The following OSBPL6 variants were observed in gnomAD, a reference collection of about 807,000 sequenced individuals.
OSBPL6 encodes oxysterol binding protein like 6, also known as oxysterol-binding protein-related protein 6.
In OSBPL6, 49 loss-of-function variants were observed where a neutral mutation model predicts 125.8. The observed-to-expected ratio is 0.39, with a 90% CI of 0.31 to 0.49. The LOEUF (loss-of-function observed/expected upper bound fraction) is 0.49. Among genes scored for constraint, OSBPL6 ranks in the 20% least tolerant of loss-of-function variants. The pLI is 0.88. For synonymous variants in OSBPL6, 394 were observed against 391.8 expected (o/e 1.01, Z -0.07); for missense variants, 986 against 1,135.4 (o/e 0.87, Z 1.89).
chr2:178,290,297 G>C (rs1685122591), intron 2 of OSBPL6, among the ~76,000 whole-genome samples: 1 of 152,054 alleles, frequency 6.6e-6, no homozygotes, highest in Non-Finnish European at 1.5e-5. Flanking sequence ...CAGAGTTGGT[G>C]CTATAGTTTC....
At chr2:178,205,968 A>T (rs932814797) in intron 1 of OSBPL6, among the ~76,000 whole-genome samples, 5 of 152,182 alleles carry the variant, frequency 3.3e-5, no homozygotes, top group Non-Finnish European at 7.4e-5. Context: ...TTTGAAAATG[A>T]TATTTCAAAC....
intron 1 of OSBPL6, among the ~76,000 whole-genome samples, chr2:178,282,581 C>T (rs1274535914): frequency 6.6e-6 from 1 of 152,156 alleles, no homozygotes; most frequent in African/African-American, 2.4e-5. Context: ...TCAGTGTCTT[C>T]TCTGTTTCCA....
chr2:178,210,821 A>ACAC (rs1553519671), intron 1 of OSBPL6, among the ~76,000 whole-genome samples: 1 of 122,834 alleles, frequency 8.1e-6, no homozygotes, highest in African/African-American at 3.6e-5. Context: ...TCAAAAAAAA[A>ACAC]AAACACACAC....
chr2:178,312,316 C>A (rs1387906156), intron 3 of OSBPL6, among the ~76,000 whole-genome samples: 1 of 151,192 alleles, frequency 6.6e-6, no homozygotes, highest in Non-Finnish European at 1.5e-5. Flanking sequence ...TGCACCACCA[C>A]GCCTGGCTAA....
intron 12 of OSBPL6, among the ~76,000 whole-genome samples, chr2:178,358,562 T>C (rs1031514585): frequency 1.3e-5 from 2 of 152,144 alleles, no homozygotes; most frequent in African/African-American, 4.8e-5. Context: ...AAGAATGAAA[T>C]TGGACCCTTA....
chr2:178,389,428 C>T (rs1695220122), intron 21 of OSBPL6, among the ~76,000 whole-genome samples: 1 of 152,210 alleles, frequency 6.6e-6, no homozygotes, highest in African/African-American at 2.4e-5. Flanking sequence ...CAGTTGTTCA[C>T]TAAGTAAAAT....
rs538180819 is a variant in OSBPL6, at chr2:178,383,109, T to C, written c.1707T>C (p.Ile569=). The C allele has an allele frequency of 6.2e-7, 1 of 1,614,182 alleles. No homozygotes were observed. The highest frequency in any genetic ancestry group is 2.2e-5 in the East Asian group (1 of 44,878). Residue 569 remains isoleucine, a synonymous_variant, in exon 17 of 25, where the codon ATT becomes ATC. Transcript: ENST00000190611. ...CTCCTTGTCCTGACACCAGTAACAT[T>C]AACCTGTGGAATATCTTGAGGAACA... ...LPAPCPDTSN[I]NLWNILRNNI...
At chr2:178,324,479 G>C (rs1208650127) in intron 4 of OSBPL6, among the ~76,000 whole-genome samples, 1 of 152,176 alleles carries the variant, frequency 6.6e-6, no homozygotes, top group Non-Finnish European at 1.5e-5. Flanking sequence ...GGGATTTGTA[G>C]GGTTACATTC....
chr2:178,240,079 A>G (rs757050620), intron 1 of OSBPL6, among the ~76,000 whole-genome samples: 1 of 152,146 alleles, frequency 6.6e-6, no homozygotes, highest in Non-Finnish European at 1.5e-5. Flanking sequence ...TATTGCCTAT[A>G]CTTTTGAAGT....
intron 3 of OSBPL6, among the ~76,000 whole-genome samples, chr2:178,318,874 T>A (rs1361271617): frequency 6.6e-6 from 1 of 152,200 alleles, no homozygotes; most frequent in Non-Finnish European, 1.5e-5. Flanking sequence ...TCCTAGATAT[T>A]TATTCCTGTA....
At chr2:178,303,986 C>T (rs1686524780) in intron 2 of OSBPL6, among the ~76,000 whole-genome samples, 1 of 152,144 alleles carries the variant, frequency 6.6e-6, no homozygotes, top group Admixed American at 6.6e-5. Flanking sequence ...ATCAAAATGC[C>T]AATGTCTTAG....
chr2:178,315,390 G>T lies in OSBPL6; in HGVS notation c.103-8787G>T, dbSNP rs577521606. Among the ~76,000 whole-genome samples the T allele has an allele frequency of 3.9e-5, 6 of 152,326 alleles. No homozygotes were observed. In the South Asian group the frequency reaches 1.2e-3, roughly 32 times the overall value. On this transcript the variant is annotated intron_variant, in intron 3 of 24. Coordinates refer to ENST00000190611, the MANE Select transcript of OSBPL6 (RefSeq NM_032523.4). ...TTTTCCTAAAGGTCATATTTTATGA[G>T]TTTGTGTGTGTGTAGCTTTAAGACA...
At chr2:178,281,354 T>G (rs1310959694) in intron 1 of OSBPL6, among the ~76,000 whole-genome samples, 1 of 152,166 alleles carries the variant, frequency 6.6e-6, no homozygotes, top group Non-Finnish European at 1.5e-5. Context: ...CTTGCCTATG[T>G]CCTGAATGGT....
At chr2:178,237,761 A>C (rs2091118408) in intron 1 of OSBPL6, among the ~76,000 whole-genome samples, 1 of 152,194 alleles carries the variant, frequency 6.6e-6, no homozygotes. Context: ...GTCTCCAGAC[A>C]TTGCCAAATG....
At chr2:178,332,301 A>T (rs1024764636) in intron 6 of OSBPL6, among the ~76,000 whole-genome samples, 2 of 152,242 alleles carry the variant, frequency 1.3e-5, no homozygotes, top group African/African-American at 4.8e-5. Flanking sequence ...GTTATACGTC[A>T]AAGATTGACC....
At chr2:178,275,122 G>A (rs2092444511) in intron 1 of OSBPL6, among the ~76,000 whole-genome samples, 1 of 152,120 alleles carries the variant, frequency 6.6e-6, no homozygotes, top group Admixed American at 6.6e-5. Context: ...GAAATGAAAT[G>A]GTAATGGAAA....
rs561536057 is a variant in OSBPL6, at chr2:178,374,370, A to G, written c.1533+343A>G. Among the ~76,000 whole-genome samples, 6 of 152,336 alleles carry G rather than the reference A, an allele frequency of 3.9e-5. No homozygotes were observed. The South Asian group carries it at 8.3e-4, about 21-fold the overall frequency. ...AGACTAGCTAATAAATATAGAAAGA[A>G]TGAGAGAATTAGGAAAGCACCGTTC... On this transcript the variant is annotated intron_variant, in intron 15 of 24. Coordinates refer to ENST00000190611, the MANE Select transcript of OSBPL6 (RefSeq NM_032523.4).
rs373807425 is a variant in OSBPL6 at position 178,402,397 on chromosome 2, G to A, written c.*6838G>A. ...CACCTTCCATTCTCTCTTAGGCTTT[G>A]TCTATGTCTCTAAGGGGAGTTTTTC... On this transcript the variant is annotated 3_prime_UTR_variant, in exon 25 of 25. Coordinates refer to ENST00000190611, the MANE Select transcript of OSBPL6 (RefSeq NM_032523.4). 1 of 152,296 alleles carries A rather than the reference G, an allele frequency of 6.6e-6. No homozygotes were observed. The highest frequency in any genetic ancestry group is 1.9e-4 in the East Asian group (1 of 5,170). The allele number at this position is 152,296 out of a possible 1,614,324, so 9.4% of individuals were successfully genotyped here. A position where few individuals can be genotyped will look rare whatever the true frequency, so the allele number is the denominator to read the frequency against.
chr2:178,344,241 T>C, intron 11 of OSBPL6: 3 of 1,501,006 alleles, frequency 2.0e-6, no homozygotes, highest in South Asian at 1.1e-5. Flanking sequence ...CATCCTTTCC[T>C]CCCCCGTCCT....
Sources: gnomAD v4.1 joint callset for allele counts (sites outside exome capture counted in the v4.1 genomes callset) on GRCh38, gnomAD v4.1.1 for gene constraint, MANE v1.5 for transcripts, NCBI Gene and HGNC (gene_info 2026-07-23, HGNC 2026-07-21) for gene names.